NFATC3: variants seen among roughly 807,000 people sequenced by gnomAD.
NFATC3 encodes the protein nuclear factor of activated T-cells, cytoplasmic 3.
Under a neutral mutation model 98.6 loss-of-function variants are expected in NFATC3, and 46 were observed. The observed-to-expected ratio is 0.47, with a 90% CI of 0.37 to 0.60. The LOEUF (loss-of-function observed/expected upper bound fraction) is 0.60. Ranked by LOEUF, NFATC3 falls within the 20% of genes least tolerant of loss-of-function variation. The probability of loss-of-function intolerance (pLI) is 0.00; values close to 1 mark genes in which losing one functional copy is unlikely to be tolerated. For missense variants in NFATC3, 1,256 were observed against 1,295.5 expected, an observed-to-expected ratio of 0.97 and a Z score of 0.47; for synonymous variants, 512 against 472.2, an observed-to-expected ratio of 1.08 and a Z score of -1.09.
intron 6 of NFATC3, 67 bp from the exon 7 acceptor site, chr16:68,181,408 C>A: frequency 1.9e-6 from 2 of 1,067,822 alleles, no homozygotes; most frequent in Non-Finnish European, 1.4e-6. Context: ...ACTATCCATG[C>A]ATTAGATTTT....
chr16:68,123,872 G>A (rs2036683942), intron 2 of NFATC3, among the ~76,000 whole-genome samples: 1 of 151,072 alleles, frequency 6.6e-6, no homozygotes, highest in Non-Finnish European at 1.5e-5. Context: ...ATAGTCCCAG[G>A]TACTAGGGAG....
At chr16:68,126,668 A>G (rs1045368857) in intron 3 of NFATC3, 58 bp downstream of exon 3, 1 of 1,547,834 alleles carries the variant, frequency 6.5e-7, no homozygotes. Context: ...TGATTAGACA[A>G]GTCTATTCAG....
At chr16:68,138,569 T>A (rs2037571580) in intron 3 of NFATC3, 1 of 1,289,034 alleles carries the variant, frequency 7.8e-7, no homozygotes, top group Non-Finnish European at 1.0e-6. Flanking sequence ...CTACTGTCCA[T>A]GGGAAAGAAG....
At chr16:68,220,739 C>G (rs1406910191) in intron 9 of NFATC3, among the ~76,000 whole-genome samples, 1 of 136,886 alleles carries the variant, frequency 7.3e-6, no homozygotes, top group Non-Finnish European at 1.5e-5. Flanking sequence ...AACCCCGTCT[C>G]TACTAAAAAA....
intron 8 of NFATC3, chr16:68,189,346 G>A (rs2040342342): frequency 4.7e-6 from 1 of 211,356 alleles, no homozygotes; most frequent in South Asian, 8.7e-5. Flanking sequence ...ATAAGCCAGG[G>A]ACAAATCAAT....
At chr16:68,152,227 AAATT>A (rs1303303399) in intron 3 of NFATC3, among the ~76,000 whole-genome samples, 2 of 151,166 alleles carry the variant, frequency 1.3e-5, no homozygotes, top group Non-Finnish European at 3.0e-5. Flanking sequence ...AAAAAAAAAA[AAATT>A]AGCTGGGCAT....
intron 9 of NFATC3, chr16:68,224,986 T>C (rs556014521): frequency 6.6e-6 from 1 of 152,242 alleles, no homozygotes; most frequent in South Asian, 2.1e-4. Context: ...AGAGTCTCAC[T>C]CTTGTTTCCC....
chr16:68,137,736 C>T (rs1161846869), intron 3 of NFATC3, among the ~76,000 whole-genome samples: 1 of 151,840 alleles, frequency 6.6e-6, no homozygotes, highest in East Asian at 1.9e-4. Context: ...GCCTCAGCCT[C>T]CCGAGTAGCT....
At chr16:68,144,368 T>C (rs1000945680) in intron 3 of NFATC3, among the ~76,000 whole-genome samples, 1 of 152,208 alleles carries the variant, frequency 6.6e-6, no homozygotes, top group Non-Finnish European at 1.5e-5. Flanking sequence ...GAATATAGTT[T>C]GTTAGGTTCT....
At chr16:68,156,170 G>A (rs1372292141) in intron 3 of NFATC3, among the ~76,000 whole-genome samples, 1 of 151,982 alleles carries the variant, frequency 6.6e-6, no homozygotes, top group Non-Finnish European at 1.5e-5. Flanking sequence ...AATTAGCCGA[G>A]TGTGGTGGCA....
chr16:68,145,901 G>C (rs555687729), intron 3 of NFATC3, among the ~76,000 whole-genome samples: 7 of 152,214 alleles, frequency 4.6e-5, no homozygotes, highest in Admixed American at 1.3e-4. Context: ...TCAATGTCCT[G>C]GTTTTGATAC....
chr16:68,132,404 A>G (rs963039271), intron 3 of NFATC3, among the ~76,000 whole-genome samples: 1 of 152,084 alleles, frequency 6.6e-6, no homozygotes, highest in East Asian at 1.9e-4. Context: ...TCAAGGAAAA[A>G]CCCTCAAGAA....
intron 3 of NFATC3, among the ~76,000 whole-genome samples, chr16:68,135,351 G>A (rs2037335761): frequency 6.6e-6 from 1 of 150,934 alleles, no homozygotes; most frequent in Non-Finnish European, 1.5e-5. Flanking sequence ...CCAGCTACTC[G>A]GGAGGCTGAG....
chr16:68,171,010 T>C (rs2039433569), intron 5 of NFATC3, among the ~76,000 whole-genome samples: 1 of 152,120 alleles, frequency 6.6e-6, no homozygotes, highest in African/African-American at 2.4e-5. Flanking sequence ...TGAACACATT[T>C]TTATTTTATT....
intron 1 of NFATC3, among the ~76,000 whole-genome samples, chr16:68,103,545 T>G (rs2035482532): frequency 6.6e-6 from 1 of 152,184 alleles, no homozygotes. Context: ...TGCACAAAAG[T>G]TTTTAATTTT....
intron 3 of NFATC3, among the ~76,000 whole-genome samples, chr16:68,144,256 A>G (rs1282378420): frequency 1.3e-5 from 2 of 152,180 alleles, no homozygotes; most frequent in Non-Finnish European, 2.9e-5. Flanking sequence ...ACCTATTAGA[A>G]CAGCTAAAAT....
intron 6 of NFATC3, among the ~76,000 whole-genome samples, chr16:68,177,885 A>G (rs569856404): frequency 7.8e-4 from 119 of 152,076 alleles, no homozygotes; most frequent in South Asian, 8.3e-4. Context: ...CTTACCTGCT[A>G]CTCTTTAATC....
At chr16:68,092,742 C>T (rs2034797218) in intron 1 of NFATC3, among the ~76,000 whole-genome samples, 1 of 152,162 alleles carries the variant, frequency 6.6e-6, no homozygotes, top group Admixed American at 6.6e-5. Context: ...CAAAAACAAA[C>T]TGTTAGTGCA....
chr16:68,160,002 C>T (rs1167995366), intron 4 of NFATC3, among the ~76,000 whole-genome samples: 1 of 151,654 alleles, frequency 6.6e-6, no homozygotes, highest in East Asian at 2.0e-4. Context: ...TGCTTGAACC[C>T]CAGAGGTGGA....
Sources: allele counts gnomAD v4.1 joint callset (sites outside exome capture counted in the v4.1 genomes callset), GRCh38; gene constraint gnomAD v4.1.1; transcripts MANE v1.5; gene names NCBI Gene and HGNC (gene_info 2026-07-23, HGNC 2026-07-21).